CCBE1: variants seen among roughly 807,000 people sequenced by gnomAD.
The protein encoded by CCBE1 is collagen and calcium binding EGF domains 1, also known as collagen and calcium-binding EGF domain-containing protein 1.
In CCBE1, 37 loss-of-function variants were observed where a neutral mutation model predicts 50.0. That is an observed-to-expected ratio of 0.74 (90% confidence interval 0.57 to 0.97). The LOEUF is 0.97. Among genes scored for constraint, CCBE1 ranks in the 50% least tolerant of loss-of-function variants. The probability of loss-of-function intolerance (pLI) is 0.00; values close to 1 mark genes in which losing one functional copy is unlikely to be tolerated. For missense variants in CCBE1, 538 were observed against 523.8 expected (o/e 1.03, Z -0.26); for synonymous variants, 234 against 203.7 (o/e 1.15, Z -1.27).
chr18:59,509,311 C>CAT (rs77853140), intron 2 of CCBE1, among the ~76,000 whole-genome samples: 9,505 of 152,030 alleles, frequency 0.063, 846 homozygotes, highest in East Asian at 0.33. Flanking sequence ...GAATAAAAAT[C>CAT]ATATATATAC....
At chr18:59,513,899 CT>C (rs1914247438) in intron 2 of CCBE1, among the ~76,000 whole-genome samples, 1 of 152,174 alleles carries the variant, frequency 6.6e-6, no homozygotes, top group African/African-American at 2.4e-5. Flanking sequence ...AGAAGACCCC[CT>C]ATGCCACACT....
intron 2 of CCBE1, among the ~76,000 whole-genome samples, chr18:59,535,224 G>A (rs1347284932): frequency 1.3e-5 from 2 of 152,230 alleles, no homozygotes; most frequent in African/African-American, 4.8e-5. Flanking sequence ...CAACGCTGGT[G>A]AGCTGAGACT....
Position 59,475,096 on chromosome 18 carries a change from C to A in CCBE1, c.265+5090G>T, listed in dbSNP as rs1912243281. On this transcript the variant is annotated intron_variant, in intron 3 of 10. Coordinates refer to ENST00000439986, the MANE Select transcript of CCBE1 (RefSeq NM_133459.4). ...TCCTCCATTTTTGATGCTTGTTCCCCAGAGCCTACCAGCTTTCAGTCATGT... is the reference window on the plus strand; with the variant it reads ...TCCTCCATTTTTGATGCTTGTTCCCAAGAGCCTACCAGCTTTCAGTCATGT... Among the ~76,000 whole-genome samples the A allele has an allele frequency of 2.0e-5, 3 of 152,296 alleles. No homozygotes were observed. The South Asian group carries it at 6.2e-4, about 32-fold the overall frequency.
At chr18:59,556,958 G>C (rs971559811) in intron 2 of CCBE1, among the ~76,000 whole-genome samples, 1 of 147,146 alleles carries the variant, frequency 6.8e-6, no homozygotes, top group African/African-American at 2.5e-5. Flanking sequence ...TTTCACATTA[G>C]TGCTGGCCAC....
At chr18:59,526,690 G>T (rs1247703014) in intron 2 of CCBE1, among the ~76,000 whole-genome samples, 1 of 152,152 alleles carries the variant, frequency 6.6e-6, no homozygotes, top group African/African-American at 2.4e-5. Context: ...CTGCATTCCA[G>T]AGATTCTGGT....
intron 2 of CCBE1, among the ~76,000 whole-genome samples, chr18:59,507,267 T>C (rs1913919055): frequency 1.3e-5 from 2 of 152,186 alleles, no homozygotes; most frequent in Admixed American, 6.5e-5. Context: ...TCAAGCCCTG[T>C]CAGTTTTAAC....
chr18:59,640,181 C>T lies in CCBE1; in HGVS notation c.212+56448G>A, dbSNP rs569536946. Among the ~76,000 whole-genome samples, 60 of 152,194 alleles carry T rather than the reference C, an allele frequency of 3.9e-4. No homozygotes were observed. In the South Asian group the frequency reaches 0.011, roughly 27 times the overall value. On this transcript the variant is annotated intron_variant, in intron 2 of 10. Transcript: ENST00000439986. ...CAAGAACGAGTCTGAATAGCCAAGG[C>T]GATTCTAAACAAAAAGAATAGAGAT...
chr18:59,677,434 T>C (rs1365918054), intron 2 of CCBE1, among the ~76,000 whole-genome samples: 1 of 152,096 alleles, frequency 6.6e-6, no homozygotes, highest in Non-Finnish European at 1.5e-5. Context: ...TGAAATTTCT[T>C]GAAGACATCC....
At chr18:59,607,226 C>A (rs190177321) in intron 2 of CCBE1, among the ~76,000 whole-genome samples, 6 of 152,278 alleles carry the variant, frequency 3.9e-5, no homozygotes, top group Admixed American at 3.9e-4. Context: ...ATTTTGCATG[C>A]TTTTGGCTGA....
intron 5 of CCBE1, 61 bp downstream of exon 5, chr18:59,466,678 G>GTT (rs1911760856): frequency 5.1e-6 from 6 of 1,183,478 alleles, no homozygotes; most frequent in South Asian, 1.5e-5. Flanking sequence ...CCCCAAACTG[G>GTT]TTATATATAT....
At chr18:59,505,639 T>C (rs1181060599) in intron 2 of CCBE1, among the ~76,000 whole-genome samples, 1 of 152,214 alleles carries the variant, frequency 6.6e-6, no homozygotes, top group Non-Finnish European at 1.5e-5. Flanking sequence ...TCTAAAATAA[T>C]TTATAAAGAC....
At chr18:59,656,186 C>T (rs1247001001) in intron 2 of CCBE1, among the ~76,000 whole-genome samples, 1 of 152,150 alleles carries the variant, frequency 6.6e-6, no homozygotes, top group Non-Finnish European at 1.5e-5. Flanking sequence ...ATTAAATAAG[C>T]AGATCCACTT....
At chr18:59,610,419 C>T (rs2053552879) in intron 2 of CCBE1, among the ~76,000 whole-genome samples, 1 of 151,900 alleles carries the variant, frequency 6.6e-6, no homozygotes, top group African/African-American at 2.4e-5. Flanking sequence ...CTCCTGCCCC[C>T]CAAATACCCC....
At chr18:59,507,355 G>A (rs1330203737) in intron 2 of CCBE1, among the ~76,000 whole-genome samples, 3 of 152,164 alleles carry the variant, frequency 2.0e-5, no homozygotes, top group Admixed American at 2.0e-4. Flanking sequence ...TCCATGCCCA[G>A]AATAATGGCA....
intron 2 of CCBE1, among the ~76,000 whole-genome samples, chr18:59,552,343 T>G (rs1344849743): frequency 6.6e-6 from 1 of 152,230 alleles, no homozygotes; most frequent in Non-Finnish European, 1.5e-5. Flanking sequence ...CTTTGTGTAT[T>G]ATGAAGTAAC....
chr18:59,643,286 A>G (rs1172291522), intron 2 of CCBE1, among the ~76,000 whole-genome samples: 2 of 152,242 alleles, frequency 1.3e-5, no homozygotes, highest in Non-Finnish European at 2.9e-5. Flanking sequence ...TGTTCACAGT[A>G]AAGAAAACAA....
chr18:59,546,924 A>G (rs3133202), intron 2 of CCBE1, among the ~76,000 whole-genome samples: 57,209 of 151,526 alleles, frequency 0.38, 11,046 homozygotes, highest in African/African-American at 0.45. Context: ...ACAGATTAAA[A>G]GAAGAAAGGT....
In CCBE1 at chr18:59,666,692, C is replaced by T. The variant is rs1470100490; in HGVS notation, c.212+29937G>A. On this transcript the variant is annotated intron_variant, in intron 2 of 10. Coordinates refer to ENST00000439986, the MANE Select transcript of CCBE1 (RefSeq NM_133459.4). ...TTTTTAAAGTTACAAGGAGACTGGGCGTGGTGGCTCATGCCTGTAATCCCA... is the reference window on the plus strand; with the variant it reads ...TTTTTAAAGTTACAAGGAGACTGGGTGTGGTGGCTCATGCCTGTAATCCCA... 2.0e-5 allele frequency among the ~76,000 whole-genome samples: 3 copies of T among 152,030 alleles called. No homozygotes were observed. In the East Asian group the frequency reaches 5.8e-4, roughly 29 times the overall value.
chr18:59,505,595 C>T (rs1308967503), intron 2 of CCBE1, among the ~76,000 whole-genome samples: 1 of 152,208 alleles, frequency 6.6e-6, no homozygotes, highest in East Asian at 1.9e-4. Flanking sequence ...GGAGAACCAG[C>T]ACTTTTCTTA....
Sources: allele counts gnomAD v4.1 joint callset (sites outside exome capture counted in the v4.1 genomes callset), GRCh38; gene constraint gnomAD v4.1.1; transcripts MANE v1.5; gene names NCBI Gene and HGNC (gene_info 2026-07-23, HGNC 2026-07-21).